ERBB4: variants seen among roughly 807,000 people sequenced by gnomAD.
ERBB4 encodes the protein erb-b2 receptor tyrosine kinase 4.
In ERBB4, 42 loss-of-function variants were observed where a neutral mutation model predicts 158.0. The ratio of observed to expected loss-of-function variants is 0.27; its 90% confidence interval spans 0.21 to 0.34. ERBB4 has a LOEUF of 0.34. ERBB4 is among the 10% of genes least tolerant of loss of function. The pLI is 1.00. For missense variants in ERBB4, 1,333 were observed against 1,624.1 expected (o/e 0.82, Z 3.08); for synonymous variants, 583 against 558.7 (o/e 1.04, Z -0.61).
At chr2:211,937,337 T>G (rs2080353775) in intron 3 of ERBB4, among the ~76,000 whole-genome samples, 1 of 152,170 alleles carries the variant, frequency 6.6e-6, no homozygotes, top group East Asian at 1.9e-4. Context: ...AAAAAAACTT[T>G]TAACATGAAC....
intron 1 of ERBB4, among the ~76,000 whole-genome samples, chr2:212,463,939 G>T (rs947400226): frequency 3.3e-5 from 5 of 152,038 alleles, no homozygotes; most frequent in African/African-American, 1.2e-4. Flanking sequence ...CTCTTAGCTA[G>T]AACAATTTCC....
intron 2 of ERBB4, among the ~76,000 whole-genome samples, chr2:212,066,216 C>A (rs2077943611): frequency 6.6e-6 from 1 of 151,974 alleles, no homozygotes; most frequent in Non-Finnish European, 1.5e-5. Context: ...GTGTCCTAAA[C>A]TCCTCAAAAA....
At chr2:212,505,156 G>C (rs1247348063) in intron 1 of ERBB4, among the ~76,000 whole-genome samples, 1 of 152,266 alleles carries the variant, frequency 6.6e-6, no homozygotes, top group African/African-American at 2.4e-5. Flanking sequence ...GAGTGCAGTG[G>C]CACAATCGAA....
chr2:211,444,620 T>C lies in ERBB4; in HGVS notation c.2488-13520A>G, dbSNP rs1218436066. 2.6e-5 allele frequency among the ~76,000 whole-genome samples: 4 copies of C among 152,228 alleles called. No homozygotes were observed. In the South Asian group the frequency reaches 6.2e-4, roughly 24 times the overall value. ...ACAGGAGGAAAGACAAATTTTCTCT[T>C]GATCACTTTCTAGCTTATTGCATAC... On this transcript the variant is annotated intron_variant, in intron 20 of 27. Transcript: ENST00000342788.
intron 2 of ERBB4, among the ~76,000 whole-genome samples, chr2:212,081,375 G>A (rs1042976112): frequency 1.3e-5 from 2 of 152,058 alleles, no homozygotes; most frequent in Admixed American, 6.6e-5. Flanking sequence ...GTATAAACCT[G>A]TCAAGACATT....
At chr2:212,505,650 C>T (rs1351662188) in intron 1 of ERBB4, among the ~76,000 whole-genome samples, 1 of 148,850 alleles carries the variant, frequency 6.7e-6, no homozygotes, top group Non-Finnish European at 1.5e-5. Flanking sequence ...ATAATGTCTC[C>T]TACAGGGACA....
intron 3 of ERBB4, among the ~76,000 whole-genome samples, chr2:211,861,098 ACAT>A (rs2078020421): frequency 3.6e-4 from 11 of 30,642 alleles, no homozygotes; most frequent in South Asian, 1.2e-3. Flanking sequence ...ATATATAAAT[ACAT>A]TATATATATT....
intron 16 of ERBB4, among the ~76,000 whole-genome samples, chr2:211,640,401 C>G (rs2070534911): frequency 6.6e-6 from 1 of 152,032 alleles, no homozygotes; most frequent in Admixed American, 6.6e-5. Flanking sequence ...GGAAAAATAC[C>G]AGGATTTTTG....
chr2:212,251,035 G>C (rs537564188), intron 1 of ERBB4, among the ~76,000 whole-genome samples: 9 of 152,002 alleles, frequency 5.9e-5, no homozygotes, highest in African/African-American at 2.2e-4. Context: ...AAATAGTCTA[G>C]GGCTGGCAAT....
intron 1 of ERBB4, among the ~76,000 whole-genome samples, chr2:212,212,829 A>G (rs1384804254): frequency 6.6e-6 from 1 of 152,124 alleles, no homozygotes; most frequent in Non-Finnish European, 1.5e-5. Flanking sequence ...AGCATCTCCT[A>G]TTTAATAAAT....
At chr2:211,674,995 T>C (rs532280079) in intron 13 of ERBB4, among the ~76,000 whole-genome samples, 27 of 152,292 alleles carry the variant, frequency 1.8e-4, no homozygotes, top group African/African-American at 6.3e-4. Context: ...TTTTCTTCCA[T>C]AGATTTCCAT....
At chr2:211,581,522 C>G (rs2068104327) in intron 19 of ERBB4, among the ~76,000 whole-genome samples, 2 of 152,108 alleles carry the variant, frequency 1.3e-5, no homozygotes, top group Non-Finnish European at 2.9e-5. Context: ...ATCTACAAGT[C>G]AGATTTAAAA....
intron 1 of ERBB4, among the ~76,000 whole-genome samples, chr2:212,523,895 C>A (rs1279746170): frequency 6.6e-6 from 1 of 152,006 alleles, no homozygotes; most frequent in Non-Finnish European, 1.5e-5. Context: ...ACCATTCCGA[C>A]TTTGGTTAGC....
intron 1 of ERBB4, among the ~76,000 whole-genome samples, chr2:212,432,359 T>C (rs2092048510): frequency 6.6e-6 from 1 of 152,176 alleles, no homozygotes; most frequent in Admixed American, 6.6e-5. Flanking sequence ...AATATATTAC[T>C]GGTTGCAATT....
intron 1 of ERBB4, among the ~76,000 whole-genome samples, chr2:212,275,342 C>T (rs1574575892): frequency 6.6e-6 from 1 of 151,982 alleles, no homozygotes; most frequent in East Asian, 1.9e-4. Flanking sequence ...CTTGAGGAAT[C>T]GCCACACTGT....
At chr2:211,392,627 T>G (rs2062826176) in intron 25 of ERBB4, among the ~76,000 whole-genome samples, 1 of 150,812 alleles carries the variant, frequency 6.6e-6, no homozygotes, top group Admixed American at 6.6e-5. Context: ...ATGATCCAGT[T>G]GAAGAAATAT....
At chr2:212,279,009 T>C (rs1167999440) in intron 1 of ERBB4, among the ~76,000 whole-genome samples, 5 of 151,608 alleles carry the variant, frequency 3.3e-5, no homozygotes, top group African/African-American at 1.2e-4. Context: ...TCACACTTTG[T>C]TAGGAAAGGA....
chr2:212,529,004 A>G (rs1455540099), intron 1 of ERBB4, among the ~76,000 whole-genome samples: 2 of 152,140 alleles, frequency 1.3e-5, no homozygotes, highest in East Asian at 3.8e-4. Context: ...TTTTCATGAA[A>G]TATTTATTAA....
intron 2 of ERBB4, among the ~76,000 whole-genome samples, chr2:211,959,781 A>G (rs1176485216): frequency 6.6e-6 from 1 of 152,132 alleles, no homozygotes; most frequent in Non-Finnish European, 1.5e-5. Flanking sequence ...CTTGTAGTAT[A>G]TTCAAAGCTA....
Sources: allele counts gnomAD v4.1 joint callset (sites outside exome capture counted in the v4.1 genomes callset), GRCh38; gene constraint gnomAD v4.1.1; transcripts MANE v1.5; gene names NCBI Gene and HGNC (gene_info 2026-07-23, HGNC 2026-07-21).